Variants in NFYB observed in about 807,000 individuals in gnomAD.
NFYB encodes the protein CAAT box DNA-binding protein subunit B.
In NFYB, 13 loss-of-function variants were observed where a neutral mutation model predicts 28.0. That is an observed-to-expected ratio of 0.46 (90% CI 0.30 to 0.74). NFYB has a LOEUF of 0.74. NFYB is among the 30% of genes least tolerant of loss of function. The pLI is 0.07. For missense variants in NFYB, 142 were observed against 247.6 expected (o/e 0.57, Z 2.86); for synonymous variants, 74 against 75.0 (o/e 0.99, Z 0.07).
Position 104,126,230 on chromosome 12 carries a change from T to G in NFYB, c.115A>C (p.Met39Leu). 3 of 1,594,428 alleles carry G rather than the reference T, an allele frequency of 1.9e-6. No homozygotes were observed. Among genetic ancestry groups the G allele is most frequent in the Non-Finnish European group, 2.6e-6 (3 of 1,172,428 alleles). The change falls in exon 4 of 8, where the codon ATG becomes CTG. Residue 39 changes from methionine (M) to leucine (L), a missense_variant. Coordinates refer to ENST00000240055, the MANE Select transcript of NFYB (RefSeq NM_006166.4). ...IQPHDDTEDS[M>L]NDHEDTNGSK... ...CCATTTGTGTCTTCATGATCATTCATGCTGTCCTCAGTATCTAAAGAAATA... is the reference window on the plus strand; with the variant it reads ...CCATTTGTGTCTTCATGATCATTCAGGCTGTCCTCAGTATCTAAAGAAATA...
At chr12:104,123,617 A>G (rs956597562) in intron 4 of NFYB, among the ~76,000 whole-genome samples, 194 bp from the exon 5 acceptor site, 6 of 152,230 alleles carry the variant, frequency 3.9e-5, no homozygotes, top group Admixed American at 2.6e-4. Flanking sequence ...AAGCTCAAAT[A>G]CAAGTGAGAG....
At chr12:104,120,581 G>A (rs17806300) in intron 6 of NFYB, 102 bp from the exon 7 acceptor site, 36,531 of 776,532 alleles carry the variant, frequency 0.047, 1,463 homozygotes, top group Admixed American at 0.16. Flanking sequence ...AATTCTGCCC[G>A]GTATCAATGA....
chr12:104,120,338 A>G, intron 7 of NFYB, 62 bp downstream of exon 7: 1 of 1,391,098 alleles, frequency 7.2e-7, no homozygotes, highest in Non-Finnish European at 1.0e-6. Flanking sequence ...TACAGGCATG[A>G]GCCATGGGGC....
chr12:104,125,701 A>C (rs902173031), intron 4 of NFYB, among the ~76,000 whole-genome samples: 2 of 149,558 alleles, frequency 1.3e-5, no homozygotes, highest in African/African-American at 4.9e-5. Context: ...ATACAAAATT[A>C]GCTGGGCATG....
rs751953726 is a variant in NFYB at position 104,121,283 on chromosome 12, T to A, written c.468A>T (p.Thr156=). Residue 156 remains threonine, a synonymous_variant, in exon 6 of 8, where the codon ACA becomes ACT. Transcript: ENST00000240055. ...GCTCTTCACTTAGTCCATCTGTAGC[T>A]GTGACTGCTCCACCAATTCCCTTTT... is the stretch of plus-strand genomic sequence containing the variant. ...KGEKGIGGAV[T]ATDGLSEELT... 2.4e-5 allele frequency: 38 copies of A among 1,612,690 alleles called. No individual in the cohort carries two copies. In the Admixed American group the frequency reaches 6.3e-4, roughly 27 times the overall value.
At chr12:104,133,924 G>A (rs2031013368) in intron 2 of NFYB, among the ~76,000 whole-genome samples, 1 of 152,032 alleles carries the variant, frequency 6.6e-6, no homozygotes, top group South Asian at 2.1e-4. Context: ...TTCTTGCCCT[G>A]ACAGTTGTTA....
At chr12:104,123,781 G>A (rs978720267) in intron 4 of NFYB, among the ~76,000 whole-genome samples, 2 of 152,120 alleles carry the variant, frequency 1.3e-5, no homozygotes, top group African/African-American at 4.8e-5. Flanking sequence ...CCAACATGGC[G>A]AAACCCCATC....
chr12:104,126,310 A>G, intron 3 of NFYB, 66 bp from the exon 4 acceptor site: 2 of 1,211,390 alleles, frequency 1.7e-6, no homozygotes, highest in East Asian at 5.6e-5. Flanking sequence ...AGAAAAAACT[A>G]CCAAAGTGAT....
intron 2 of NFYB, among the ~76,000 whole-genome samples, chr12:104,134,561 T>C (rs1029285390): frequency 1.3e-5 from 2 of 152,226 alleles, no homozygotes; most frequent in African/African-American, 4.8e-5. Context: ...CAGCCCATCT[T>C]AACATATTGT....
chr12:104,135,921 A>AT (rs746889821), intron 1 of NFYB, among the ~76,000 whole-genome samples: 43 of 152,358 alleles, frequency 2.8e-4, no homozygotes, highest in Non-Finnish European at 6.2e-4. Flanking sequence ...CTCAAGATGC[A>AT]AACACACCCC....
In NFYB at chr12:104,118,232, T is replaced by C. The variant is rs756645213; in HGVS notation, c.*1505A>G. On this transcript the variant is annotated 3_prime_UTR_variant, in exon 8 of 8. Transcript: ENST00000240055. Reference sequence around the variant, plus strand: ...AATGATATTTATCAAAATATTAACATTGGTTCTTTCAACATAGTAGGATGA... The same window carrying C: ...AATGATATTTATCAAAATATTAACACTGGTTCTTTCAACATAGTAGGATGA... 2 of 152,224 alleles carry C rather than the reference T, an allele frequency of 1.3e-5. No individual in the cohort carries two copies. The highest frequency in any genetic ancestry group is 2.9e-5 in the Non-Finnish European group (2 of 68,034). 9.4% of individuals were successfully genotyped at this position (152,224 alleles called of 1,614,324 possible). A position where few individuals can be genotyped will look rare whatever the true frequency, so the allele number is the denominator to read the frequency against.
At chr12:104,135,724 GATTT>G (rs1370921362) in intron 1 of NFYB, among the ~76,000 whole-genome samples, 192 bp from the exon 2 acceptor site, 1 of 152,174 alleles carries the variant, frequency 6.6e-6, no homozygotes, top group African/African-American at 2.4e-5. Flanking sequence ...TGACTTGAAA[GATTT>G]ATTTTGGAGA....
At chr12:104,132,897 C>G (rs147971377) in intron 2 of NFYB, among the ~76,000 whole-genome samples, 14 of 152,204 alleles carry the variant, frequency 9.2e-5, no homozygotes, top group Non-Finnish European at 8.8e-5. Context: ...CAAGGGGACA[C>G]GGACAGTGAT....
chr12:104,123,191 A>G (rs75056134), intron 5 of NFYB, 35 bp downstream of exon 5: 32 of 1,330,142 alleles, frequency 2.4e-5, no homozygotes, highest in African/African-American at 3.1e-5. Context: ...AAAAAAGAAG[A>G]AAAAAAAAAG....
chr12:104,119,517 T>C lies in NFYB; in HGVS notation c.*220A>G, dbSNP rs1327029054. ...CAAACTCTCGTACAAAACAAAAATA[T>C]TTTAATACCTTTAAAATCCAAATTT... On this transcript the variant is annotated 3_prime_UTR_variant, in exon 8 of 8. Transcript: ENST00000240055. 3 of 449,608 alleles carry C rather than the reference T, an allele frequency of 6.7e-6. No homozygotes were observed. The highest frequency in any genetic ancestry group is 3.9e-5 in the African/African-American group (2 of 51,390). The allele number at this position is 449,608 out of a possible 1,614,324, so 27.9% of individuals were successfully genotyped here.
intron 2 of NFYB, among the ~76,000 whole-genome samples, chr12:104,134,894 G>T (rs1172307936): frequency 1.3e-5 from 2 of 152,158 alleles, no homozygotes; most frequent in Non-Finnish European, 2.9e-5. Context: ...ATCCAGAGGG[G>T]ACAAGTGCTT....
chr12:104,122,986 C>G (rs1180101084), intron 5 of NFYB, among the ~76,000 whole-genome samples: 1 of 151,744 alleles, frequency 6.6e-6, no homozygotes, highest in Non-Finnish European at 1.5e-5. Flanking sequence ...ACCAGCCTGG[C>G]CAACATGGTG....
At chr12:104,123,156 AC>A (rs2030544312) in intron 5 of NFYB, 69 bp downstream of exon 5, 1 of 1,214,838 alleles carries the variant, frequency 8.2e-7, no homozygotes, top group African/African-American at 1.5e-5. Context: ...AGCCTGGGCA[AC>A]AGAGCGATAC....
At chr12:104,120,654 C>A (rs1316721842) in intron 6 of NFYB, among the ~76,000 whole-genome samples, 175 bp from the exon 7 acceptor site, 10 of 152,090 alleles carry the variant, frequency 6.6e-5, no homozygotes, top group African/African-American at 4.8e-5. Flanking sequence ...TCCCTAAAAA[C>A]CACATTATTT....
Sources: allele counts gnomAD v4.1 joint callset (sites outside exome capture counted in the v4.1 genomes callset), GRCh38; gene constraint gnomAD v4.1.1; transcripts MANE v1.5; gene names NCBI Gene and HGNC (gene_info 2026-07-23, HGNC 2026-07-21).